Variants in SEMA5A observed in about 807,000 individuals in gnomAD.
SEMA5A encodes the protein semaphorin-5A.
SEMA5A carries 55 observed loss-of-function variants against 135.5 expected under a neutral mutation model. The observed-to-expected ratio is 0.41, with a 90% CI of 0.33 to 0.51. The LOEUF (loss-of-function observed/expected upper bound fraction) is 0.51, where lower values mean the gene tolerates loss of function less well. SEMA5A is among the 20% of genes least tolerant of loss of function. The pLI, the probability that SEMA5A is intolerant of heterozygous loss-of-function variation, is 0.37. For missense variants in SEMA5A, 1,290 were observed against 1,419.9 expected, an observed-to-expected ratio of 0.91 and a Z score of 1.47; for synonymous variants, 580 against 546.5, an observed-to-expected ratio of 1.06 and a Z score of -0.85.
At position 9,039,724 on chromosome 5, in the gene SEMA5A, G is replaced by A. The variant is rs1456287107; in HGVS notation, c.*3173C>T. ...GAGACTGTGGCTCTTCTGTGCGGTG[G>A]AGCCTGACCACGTGCCCCCTGAGTT... On this transcript the variant is annotated 3_prime_UTR_variant, in exon 23 of 23. Coordinates refer to ENST00000382496, the MANE Select transcript of SEMA5A (RefSeq NM_003966.3). 1 of 152,260 alleles carries A rather than the reference G, an allele frequency of 6.6e-6. No individual in the cohort carries two copies. Among genetic ancestry groups the A allele is most frequent in the Non-Finnish European group, 1.5e-5 (1 of 68,118 alleles). The allele number at this position is 152,260 out of a possible 1,614,324, so 9.4% of individuals were successfully genotyped here.
intron 2 of SEMA5A, among the ~76,000 whole-genome samples, chr5:9,413,128 A>G (rs1757163331): frequency 6.6e-6 from 1 of 152,174 alleles, no homozygotes; most frequent in African/African-American, 2.4e-5. Context: ...TCAAGAGTGA[A>G]GGAGACATTG....
chr5:9,198,163 C>T (rs765125036), intron 9 of SEMA5A, among the ~76,000 whole-genome samples: 8 of 152,168 alleles, frequency 5.3e-5, no homozygotes, highest in Non-Finnish European at 1.0e-4. Flanking sequence ...ATACCACAAG[C>T]ATTTCTCATC....
At chr5:9,333,002 T>C (rs986144048) in intron 4 of SEMA5A, among the ~76,000 whole-genome samples, 1 of 152,226 alleles carries the variant, frequency 6.6e-6, no homozygotes, top group African/African-American at 2.4e-5. Context: ...CCACAGTTTG[T>C]AAGACTGTAC....
intron 5 of SEMA5A, among the ~76,000 whole-genome samples, chr5:9,245,657 T>C (rs1003794509): frequency 6.6e-6 from 1 of 152,188 alleles, no homozygotes; most frequent in African/African-American, 2.4e-5. Context: ...GGCCAAGTAA[T>C]GTCACAGTAA....
At chr5:9,259,072 T>C (rs1749255756) in intron 5 of SEMA5A, among the ~76,000 whole-genome samples, 1 of 152,182 alleles carries the variant, frequency 6.6e-6, no homozygotes, top group Admixed American at 6.5e-5. Context: ...TCTGCCTGCC[T>C]TGGCCTCCCA....
At chr5:9,343,101 G>T (rs943891577) in intron 3 of SEMA5A, among the ~76,000 whole-genome samples, 3 of 152,218 alleles carry the variant, frequency 2.0e-5, no homozygotes, top group Non-Finnish European at 2.9e-5. Flanking sequence ...ACAGAAAGCT[G>T]GGTCTCTCAA....
chr5:9,337,486 C>T (rs530757407), intron 4 of SEMA5A, among the ~76,000 whole-genome samples: 14 of 152,170 alleles, frequency 9.2e-5, no homozygotes, highest in Non-Finnish European at 1.8e-4. Context: ...CATGTTAGAA[C>T]AGTTACTGGC....
chr5:9,051,301 C>T (rs188550209), intron 20 of SEMA5A, among the ~76,000 whole-genome samples: 3 of 152,258 alleles, frequency 2.0e-5, no homozygotes, highest in East Asian at 1.9e-4. Flanking sequence ...TGGACATATG[C>T]GCAATGATCT....
intron 1 of SEMA5A, among the ~76,000 whole-genome samples, chr5:9,486,044 G>C (rs1734700591): frequency 6.6e-6 from 1 of 151,888 alleles, no homozygotes; most frequent in Non-Finnish European, 1.5e-5. Context: ...ATGCAGACTA[G>C]ATAAAGAAAA....
At chr5:9,450,756 C>CA (rs755349461) in intron 1 of SEMA5A, among the ~76,000 whole-genome samples, 3,661 of 129,172 alleles carry the variant, frequency 0.028, 108 homozygotes, top group African/African-American at 0.083. Context: ...TCTACCACAT[C>CA]AAAAAAAAAA....
intron 5 of SEMA5A, among the ~76,000 whole-genome samples, chr5:9,317,885 C>T (rs1329195745): frequency 6.6e-6 from 1 of 152,162 alleles, no homozygotes; most frequent in Admixed American, 6.5e-5. Flanking sequence ...ACCGCAACAA[C>T]AGAAGTAGGT....
At chr5:9,231,465 CAAAAAAAAAAAAA>C (rs58901854) in intron 6 of SEMA5A, among the ~76,000 whole-genome samples, 1 of 64,658 alleles carries the variant, frequency 1.5e-5, no homozygotes, top group Admixed American at 2.2e-4. Flanking sequence ...GACTCCATCT[CAAAAAAAAAAAAA>C]AAAAAAAAAA....
chr5:9,076,019 A>C (rs1264095509), intron 16 of SEMA5A, among the ~76,000 whole-genome samples: 1 of 152,086 alleles, frequency 6.6e-6, no homozygotes, highest in Non-Finnish European at 1.5e-5. Context: ...ATCCTGGTCA[A>C]CATGGTGAAA....
intron 1 of SEMA5A, among the ~76,000 whole-genome samples, chr5:9,443,518 T>G (rs887725270): frequency 2.6e-5 from 4 of 152,216 alleles, no homozygotes; most frequent in Admixed American, 2.6e-4. Flanking sequence ...TAAAATAAAT[T>G]TTATGGAAAA....
intron 11 of SEMA5A, among the ~76,000 whole-genome samples, chr5:9,183,292 A>G (rs1341939219): frequency 6.6e-6 from 1 of 152,140 alleles, no homozygotes; most frequent in Non-Finnish European, 1.5e-5. Flanking sequence ...TGGAAGGGGA[A>G]TTCACCAGTT....
At position 9,038,292 on chromosome 5, in the gene SEMA5A, T is replaced by C. The variant is rs913097913; in HGVS notation, c.*4605A>G. 4 of 152,180 alleles carry C rather than the reference T, an allele frequency of 2.6e-5. No individual in the cohort carries two copies. Among genetic ancestry groups the C allele is most frequent in the African/African-American group, 9.7e-5 (4 of 41,448 alleles). The allele number at this position is 152,180 out of a possible 1,614,324, so 9.4% of individuals were successfully genotyped here. On this transcript the variant is annotated 3_prime_UTR_variant, in exon 23 of 23. Transcript: ENST00000382496. ...CACAGCCCTGCCATGTGGAAAATGG[T>C]TATGCAGTCGCTGTTAATTTTATCA...
At chr5:9,310,318 C>G (rs1002945210) in intron 5 of SEMA5A, among the ~76,000 whole-genome samples, 1 of 152,004 alleles carries the variant, frequency 6.6e-6, no homozygotes, top group African/African-American at 2.4e-5. Flanking sequence ...CAACGACATG[C>G]AAATGAATGG....
At chr5:9,412,212 C>T (rs1327770508) in intron 2 of SEMA5A, among the ~76,000 whole-genome samples, 2 of 152,056 alleles carry the variant, frequency 1.3e-5, no homozygotes, top group Non-Finnish European at 1.5e-5. Context: ...CTCAGTAAAA[C>T]ATAGGTAGAA....
intron 3 of SEMA5A, among the ~76,000 whole-genome samples, chr5:9,370,376 T>C (rs1755087095): frequency 6.6e-6 from 1 of 152,202 alleles, no homozygotes; most frequent in Admixed American, 6.5e-5. Flanking sequence ...CTTTTTACAC[T>C]GGGGATTAGA....
Sources: allele counts gnomAD v4.1 joint callset (sites outside exome capture counted in the v4.1 genomes callset), GRCh38; gene constraint gnomAD v4.1.1; transcripts MANE v1.5; gene names NCBI Gene and HGNC (gene_info 2026-07-23, HGNC 2026-07-21).